Variants in AMZ1 observed in about 807,000 individuals in gnomAD.
AMZ1 encodes the protein archaelysin family metallopeptidase 1, also known as archaemetzincin-1.
AMZ1 carries 39 observed loss-of-function variants against 29.9 expected under a neutral mutation model. The ratio of observed to expected loss-of-function variants is 1.30; its 90% CI spans 1.01 to 1.70. The LOEUF is 1.70. AMZ1 is among the 40% of genes most tolerant of loss of function. The probability of loss-of-function intolerance (pLI) is 0.00; values close to 1 mark genes in which losing one functional copy is unlikely to be tolerated. For synonymous variants in AMZ1, 458 were observed against 304.0 expected, an observed-to-expected ratio of 1.51 and a Z score of -5.27; for missense variants, 1,041 against 680.6, an observed-to-expected ratio of 1.53 and a Z score of -5.89.
At chr7:2,683,683 C>T (rs568710647), upstream of AMZ1, among the ~76,000 whole-genome samples, 6 of 152,258 alleles carry the variant, frequency 3.9e-5, no homozygotes, top group African/African-American at 7.2e-5. Flanking sequence ...CGTGATCCGC[C>T]TGCCTTGGCC....
At chr7:2,688,779 G>T (rs1380407883) in intron 1 of AMZ1, among the ~76,000 whole-genome samples, 3 of 152,226 alleles carry the variant, frequency 2.0e-5, no homozygotes, top group Non-Finnish European at 4.4e-5. Flanking sequence ...ATGAGCCGGG[G>T]AGGGAGAAGG....
At chr7:2,709,324 C>A in intron 5 of AMZ1, 80 bp downstream of exon 5, 1 of 1,355,672 alleles carries the variant, frequency 7.4e-7, no homozygotes, top group Non-Finnish European at 9.7e-7. Context: ...TGTTACACTG[C>A]CCCATCCTCA....
chr7:2,696,655 T>C lies in AMZ1; in HGVS notation c.-218-3579T>C, dbSNP rs527922462. Among the ~76,000 whole-genome samples, 21 of 151,330 alleles carry C rather than the reference T, an allele frequency of 1.4e-4. No individual in the cohort carries two copies. The South Asian group carries it at 1.9e-3, about 14-fold the overall frequency. ...ATCCCAGCACTTTGGGAGGCTGAGGTGGGCAGATCACCTTGAGGTCAGGAG... is the reference window on the plus strand; with the variant it reads ...ATCCCAGCACTTTGGGAGGCTGAGGCGGGCAGATCACCTTGAGGTCAGGAG... On this transcript the variant is annotated intron_variant, in intron 1 of 6. Coordinates refer to ENST00000683327, the MANE Select transcript of AMZ1 (RefSeq NM_001384743.1).
intron 1 of AMZ1, among the ~76,000 whole-genome samples, chr7:2,694,051 G>A (rs953558035): frequency 3.3e-5 from 5 of 152,198 alleles, no homozygotes; most frequent in Admixed American, 2.0e-4. Context: ...TAATGTCACT[G>A]TCATGAGTCC....
chr7:2,690,966 C>A (rs1230113432), intron 1 of AMZ1, among the ~76,000 whole-genome samples: 1 of 151,640 alleles, frequency 6.6e-6, no homozygotes, highest in East Asian at 1.9e-4. Context: ...CATGGTGAAA[C>A]CCTGTCTCTA....
At chr7:2,726,300 C>T (rs974317392) in intron 4 of AMZ1, among the ~76,000 whole-genome samples, 2 of 152,220 alleles carry the variant, frequency 1.3e-5, no homozygotes, top group African/African-American at 4.8e-5. Context: ...GCACGTTACA[C>T]GGTGAAATAC....
At position 2,745,653 on chromosome 7, in the gene AMZ1, A is replaced by C. The variant is rs193237143; in HGVS notation, n.551-19059A>C. ...CAGCTGACATCATAATGACAGGATC[A>C]AATTCACACATAACAATATTAACTT... On this transcript the variant is annotated intron_variant and non_coding_transcript_variant, in intron 4 of 4. Transcript: ENST00000489665. 8.5e-5 allele frequency among the ~76,000 whole-genome samples: 13 copies of C among 152,380 alleles called. 1 individual carries two copies. The highest frequency in any genetic ancestry group is 2.2e-4 in the African/African-American group (9 of 41,586).
downstream of AMZ1, among the ~76,000 whole-genome samples, chr7:2,721,322 T>C (rs567160186): frequency 5.9e-5 from 9 of 152,328 alleles, no homozygotes; most frequent in Admixed American, 1.3e-4. Flanking sequence ...TGAGGAGGCC[T>C]CTGCTTCGGG....
chr7:2,737,855 G>C (rs191176534), intron 4 of AMZ1, among the ~76,000 whole-genome samples: 38 of 152,278 alleles, frequency 2.5e-4, no homozygotes, highest in African/African-American at 8.7e-4. Context: ...CCACTGAATA[G>C]AGACGCTAGC....
downstream of AMZ1, among the ~76,000 whole-genome samples, chr7:2,721,629 T>C (rs747193142): frequency 1.3e-5 from 2 of 151,124 alleles, no homozygotes; most frequent in Non-Finnish European, 2.9e-5. Context: ...GGCAGGAGAA[T>C]GGTGTGAACC....
At chr7:2,699,892 C>T (rs1787952179) in intron 1 of AMZ1, among the ~76,000 whole-genome samples, 1 of 151,946 alleles carries the variant, frequency 6.6e-6, no homozygotes, top group African/African-American at 2.4e-5. Flanking sequence ...GGGGCCCTTG[C>T]CCTTCTGTGG....
downstream of AMZ1, among the ~76,000 whole-genome samples, chr7:2,722,072 G>C (rs532030448): frequency 2.6e-5 from 4 of 152,230 alleles, no homozygotes; most frequent in South Asian, 8.3e-4. Context: ...AGGCACAGGC[G>C]CTAAAGCCAG....
intron 1 of AMZ1, among the ~76,000 whole-genome samples, chr7:2,689,681 G>T (rs571615516): frequency 6.6e-6 from 1 of 152,358 alleles, no homozygotes; most frequent in African/African-American, 2.4e-5. Context: ...GGCACCTGCG[G>T]CTCCGTGTGT....
chr7:2,744,567 G>T (rs1257360032), intron 4 of AMZ1, among the ~76,000 whole-genome samples: 2 of 152,134 alleles, frequency 1.3e-5, no homozygotes, highest in African/African-American at 4.8e-5. Context: ...CAAAGATGGG[G>T]AAAAAACAGA....
chr7:2,759,140 A>AAAGT (rs372174848), intron 4 of AMZ1, among the ~76,000 whole-genome samples: 6 of 144,700 alleles, frequency 4.1e-5, no homozygotes, highest in Non-Finnish European at 9.0e-5. Flanking sequence ...ACACTGTCTC[A>AAAGT]AAATAAATAA....
At chr7:2,696,831 A>T (rs1787775984) in intron 1 of AMZ1, among the ~76,000 whole-genome samples, 1 of 152,102 alleles carries the variant, frequency 6.6e-6, no homozygotes, top group Admixed American at 6.5e-5. Context: ...GGTTGCAGTG[A>T]GCAAAGATCG....
chr7:2,733,492 C>T (rs771393290), intron 4 of AMZ1: 6 of 1,613,472 alleles, frequency 3.7e-6, no homozygotes, highest in Non-Finnish European at 5.1e-6. Context: ...AAGTACTTCA[C>T]CGACTCCCCC....
At chr7:2,695,354 T>C (rs1207049284) in intron 1 of AMZ1, among the ~76,000 whole-genome samples, 1 of 152,062 alleles carries the variant, frequency 6.6e-6, no homozygotes, top group African/African-American at 2.4e-5. Flanking sequence ...TCGGTCTGCA[T>C]AGAACCCACG....
chr7:2,730,911 G>A (rs1789856127), intron 4 of AMZ1: 1 of 424,890 alleles, frequency 2.4e-6, no homozygotes, highest in South Asian at 4.3e-5. Context: ...AAAGCAAGCT[G>A]TGTGATTAGG....
Sources: gnomAD v4.1 joint callset for allele counts (sites outside exome capture counted in the v4.1 genomes callset) on GRCh38, gnomAD v4.1.1 for gene constraint, MANE v1.5 for transcripts, NCBI Gene and HGNC (gene_info 2026-07-23, HGNC 2026-07-21) for gene names.